The following KCNK13 variants were observed in gnomAD, a reference collection of about 807,000 sequenced individuals.
The protein encoded by KCNK13 is potassium two pore domain channel subfamily K member 13.
A neutral mutation model predicts 23.4 loss-of-function variants in KCNK13; 12 were observed. The ratio of observed to expected loss-of-function variants is 0.51; its 90% CI spans 0.33 to 0.83. The LOEUF (loss-of-function observed/expected upper bound fraction) is 0.83. Ranked by LOEUF, KCNK13 falls within the 40% of genes least tolerant of loss-of-function variation. KCNK13 has a pLI of 0.02. For missense variants in KCNK13, 463 were observed against 556.3 expected, an observed-to-expected ratio of 0.83 and a Z score of 1.69; for synonymous variants, 231 against 229.5, an observed-to-expected ratio of 1.01 and a Z score of -0.06.
At chr14:90,145,264 G>A (rs565115456) in intron 1 of KCNK13, among the ~76,000 whole-genome samples, 23 of 151,208 alleles carry the variant, frequency 1.5e-4, no homozygotes, top group African/African-American at 4.6e-4. Context: ...GTGGTGGTGC[G>A]CGCCTGTAGT....
chr14:90,115,715 G>A (rs190687048), intron 1 of KCNK13, among the ~76,000 whole-genome samples: 1 of 152,314 alleles, frequency 6.6e-6, no homozygotes, highest in Non-Finnish European at 1.5e-5. Context: ...AAAAAAAACA[G>A]GCAACAGGCC....
At chr14:90,066,018 C>T (rs1326063191) in intron 1 of KCNK13, among the ~76,000 whole-genome samples, 1 of 152,188 alleles carries the variant, frequency 6.6e-6, no homozygotes, top group Non-Finnish European at 1.5e-5. Context: ...GGCTTGAGTG[C>T]AGTGGCACAA....
chr14:90,079,410 A>G (rs564592774), intron 1 of KCNK13, among the ~76,000 whole-genome samples: 2 of 152,342 alleles, frequency 1.3e-5, no homozygotes, highest in East Asian at 1.9e-4. Flanking sequence ...ATTACACCTT[A>G]GAATTTGGCC....
chr14:90,116,657 G>A (rs975861865), intron 1 of KCNK13, among the ~76,000 whole-genome samples: 9 of 152,098 alleles, frequency 5.9e-5, no homozygotes, highest in East Asian at 3.9e-4. Flanking sequence ...CGTGAGCTTC[G>A]GGTTTGCAAA....
At chr14:90,136,070 T>C (rs147031682) in intron 1 of KCNK13, among the ~76,000 whole-genome samples, 1 of 152,042 alleles carries the variant, frequency 6.6e-6, no homozygotes. Flanking sequence ...GGGGATGGCA[T>C]CCAGAAATAG....
intron 1 of KCNK13, among the ~76,000 whole-genome samples, chr14:90,078,471 GGGAA>G (rs200180179): frequency 0.017 from 2,524 of 147,530 alleles, 55 homozygotes; most frequent in African/African-American, 0.059. Flanking sequence ...GAAGGAGGGA[GGGAA>G]GGAAGGAAGG....
At chr14:90,090,258 C>T (rs536808832) in intron 1 of KCNK13, among the ~76,000 whole-genome samples, 1 of 152,336 alleles carries the variant, frequency 6.6e-6, no homozygotes, top group Admixed American at 6.5e-5. Flanking sequence ...CATGGGAACC[C>T]ACCTCTTGCA....
chr14:90,154,495 C>G (rs1890172410), intron 1 of KCNK13, among the ~76,000 whole-genome samples: 1 of 152,214 alleles, frequency 6.6e-6, no homozygotes, highest in Non-Finnish European at 1.5e-5. Context: ...GCTCTCTTAC[C>G]CACAATGCTA....
chr14:90,112,630 G>A (rs10148415), intron 1 of KCNK13, among the ~76,000 whole-genome samples: 39,858 of 152,106 alleles, frequency 0.26, 5,521 homozygotes, highest in East Asian at 0.38. Flanking sequence ...CAACTGAACT[G>A]CAAAAAATTA....
intron 1 of KCNK13, among the ~76,000 whole-genome samples, chr14:90,086,587 G>T (rs1889278342): frequency 6.6e-6 from 1 of 152,130 alleles, no homozygotes; most frequent in South Asian, 2.1e-4. Flanking sequence ...AATATATTTT[G>T]CAGGCTATTG....
intron 1 of KCNK13, among the ~76,000 whole-genome samples, chr14:90,149,291 G>C (rs958042175): frequency 1.3e-5 from 2 of 152,178 alleles, no homozygotes; most frequent in African/African-American, 4.8e-5. Flanking sequence ...GGGAGGCAGA[G>C]GTTGCAGTAA....
At chr14:90,140,810 G>A (rs552113148) in intron 1 of KCNK13, among the ~76,000 whole-genome samples, 2 of 152,192 alleles carry the variant, frequency 1.3e-5, no homozygotes, top group Non-Finnish European at 2.9e-5. Flanking sequence ...CCGGGGCGCA[G>A]TGGATGTTTT....
chr14:90,121,606 T>A (rs1889739745), intron 1 of KCNK13, among the ~76,000 whole-genome samples: 1 of 152,182 alleles, frequency 6.6e-6, no homozygotes, highest in African/African-American at 2.4e-5. Context: ...TAGAAAAAAG[T>A]CAGGAGCCCA....
intron 1 of KCNK13, among the ~76,000 whole-genome samples, chr14:90,166,115 C>T (rs190142150): frequency 3.0e-4 from 46 of 152,336 alleles, no homozygotes; most frequent in Non-Finnish European, 5.6e-4. Context: ...AGTCTAGAAA[C>T]ATCCCCATAG....
At chr14:90,169,963 A>G (rs1271980325) in intron 1 of KCNK13, among the ~76,000 whole-genome samples, 1 of 152,184 alleles carries the variant, frequency 6.6e-6, no homozygotes, top group Non-Finnish European at 1.5e-5. Context: ...AAATTGGGCT[A>G]TAAGAATAGT....
Position 90,147,387 on chromosome 14 carries a change from C to T in KCNK13, c.335-36724C>T, listed in dbSNP as rs149830260. ...CCCTCAGCCTCCTGAGTAGCTAGGA[C>T]TACAGACATGCTACCACACCTGGCT... is the stretch of plus-strand genomic sequence containing the variant. On this transcript the variant is annotated intron_variant, in intron 1 of 1. Transcript: ENST00000282146. Among the ~76,000 whole-genome samples, 5 of 152,068 alleles carry T rather than the reference C, an allele frequency of 3.3e-5. No homozygotes were observed. In the Middle Eastern group the frequency reaches 0.01, roughly 310 times the overall value.
chr14:90,148,558 G>T (rs1422916772), intron 1 of KCNK13, among the ~76,000 whole-genome samples: 4 of 152,198 alleles, frequency 2.6e-5, no homozygotes. Flanking sequence ...GAAGAAGAGG[G>T]GCAGGGTAGG....
intron 1 of KCNK13, among the ~76,000 whole-genome samples, chr14:90,158,621 G>T (rs1347691597): frequency 6.6e-6 from 1 of 152,226 alleles, no homozygotes; most frequent in Admixed American, 6.5e-5. Flanking sequence ...TTCAAAGAAG[G>T]CTTCCTGGGG....
chr14:90,129,297 G>A (rs530375054), intron 1 of KCNK13, among the ~76,000 whole-genome samples: 40 of 152,104 alleles, frequency 2.6e-4, no homozygotes, highest in Non-Finnish European at 5.6e-4. Flanking sequence ...TTGCCATTGT[G>A]ATCAATGGCA....
Sources: gnomAD v4.1 joint callset for allele counts (sites outside exome capture counted in the v4.1 genomes callset) on GRCh38, gnomAD v4.1.1 for gene constraint, MANE v1.5 for transcripts, NCBI Gene and HGNC (gene_info 2026-07-23, HGNC 2026-07-21) for gene names.